DLGAP1: variants seen among roughly 807,000 people sequenced by gnomAD.
The protein encoded by DLGAP1 is disks large-associated protein 1.
A neutral mutation model predicts 90.8 loss-of-function variants in DLGAP1; 11 were observed. The observed-to-expected ratio is 0.12, with a 90% CI of 0.08 to 0.20. The LOEUF is 0.20. DLGAP1 is among the 10% of genes least tolerant of loss of function. The pLI, the probability that DLGAP1 is intolerant of heterozygous loss-of-function variation, is 1.00. For synonymous variants in DLGAP1, 558 were observed against 540.7 expected (o/e 1.03, Z -0.44); for missense variants, 1,050 against 1,333.8 (o/e 0.79, Z 3.31).
chr18:3,943,238 T>C (rs988281804), intron 3 of DLGAP1, among the ~76,000 whole-genome samples: 2 of 152,124 alleles, frequency 1.3e-5, no homozygotes, highest in African/African-American at 2.4e-5. Context: ...GGAGGTTAAA[T>C]TGACAAATAA....
At chr18:4,370,248 C>T (rs1367642874) in intron 1 of DLGAP1, among the ~76,000 whole-genome samples, 1 of 152,124 alleles carries the variant, frequency 6.6e-6, no homozygotes, top group Non-Finnish European at 1.5e-5. Context: ...GACAGAAAAA[C>T]AGATCCAGAT....
rs953171695 is a variant in DLGAP1, at chr18:3,711,290, A to C, written c.1591+17845T>G. 1.3e-5 allele frequency among the ~76,000 whole-genome samples: 2 copies of C among 152,240 alleles called. No homozygotes were observed. The highest frequency in any genetic ancestry group is 2.9e-5 in the Non-Finnish European group (2 of 68,036). ...TTGATGCCCCTTCTGTAATGACTCC[A>C]GTGATCAATGCTTTCATCATGCAAG... On this transcript the variant is annotated intron_variant, in intron 7 of 12. Transcript: ENST00000315677. This position sits in a 1 kb window ranked among gnomAD's most constrained non-coding sequence, Gnocchi z 4.0.
At chr18:3,974,050 A>G (rs2073515209) in intron 3 of DLGAP1, among the ~76,000 whole-genome samples, 1 of 152,104 alleles carries the variant, frequency 6.6e-6, no homozygotes, top group Non-Finnish European at 1.5e-5. Flanking sequence ...CTATCTAAAC[A>G]TAGAAAAGGC....
At chr18:4,438,087 C>G (rs1360323053) in intron 1 of DLGAP1, among the ~76,000 whole-genome samples, 1 of 152,072 alleles carries the variant, frequency 6.6e-6, no homozygotes, top group African/African-American at 2.4e-5. Context: ...ATCAGAAAAA[C>G]CTTAGCGCCT....
intron 1 of DLGAP1, among the ~76,000 whole-genome samples, chr18:4,347,000 A>G (rs557833367): frequency 7.2e-5 from 11 of 152,208 alleles, no homozygotes; most frequent in African/African-American, 2.4e-4. Context: ...ACTATACAAA[A>G]TGAGAAATAA....
chr18:4,001,370 T>G (rs538718274), intron 3 of DLGAP1, among the ~76,000 whole-genome samples: 1 of 152,250 alleles, frequency 6.6e-6, no homozygotes, highest in African/African-American at 2.4e-5. Flanking sequence ...TAGGCTAAAT[T>G]TTCTTCTGTT....
rs369344035 is a variant in DLGAP1 at position 3,828,481 on chromosome 18, T to C, written c.958-14208A>G. On this transcript the variant is annotated intron_variant, in intron 4 of 12. Coordinates refer to ENST00000315677, the MANE Select transcript of DLGAP1 (RefSeq NM_004746.4). ...AGAGCAAGACCTCATTTCAACAAAC[T>C]ATTTAAATATTAGTTGGGTGTGGAG... Among the ~76,000 whole-genome samples, 6 of 151,554 alleles carry C rather than the reference T, an allele frequency of 4.0e-5. No individual in the cohort carries two copies. The East Asian group carries it at 1.2e-3, about 29-fold the overall frequency.
At chr18:3,913,790 G>A (rs1318465167) in intron 3 of DLGAP1, among the ~76,000 whole-genome samples, 1 of 152,170 alleles carries the variant, frequency 6.6e-6, no homozygotes, top group Admixed American at 6.5e-5. Flanking sequence ...ACTACGGCAT[G>A]TCTTGCTAGC....
chr18:4,405,100 T>A (rs1467374534), intron 1 of DLGAP1, among the ~76,000 whole-genome samples: 1 of 152,202 alleles, frequency 6.6e-6, no homozygotes, highest in Non-Finnish European at 1.5e-5. Flanking sequence ...TTCACATTCA[T>A]AAGTGAGGTT....
At chr18:3,784,300 A>AC (rs3837918) in intron 5 of DLGAP1, among the ~76,000 whole-genome samples, 15 of 148,688 alleles carry the variant, frequency 1.0e-4, no homozygotes, top group South Asian at 8.7e-4. Flanking sequence ...TCTTTCTTGG[A>AC]CCCCCCCTAG....
chr18:4,086,259 G>A (rs76625840), intron 2 of DLGAP1, among the ~76,000 whole-genome samples: 1 of 152,016 alleles, frequency 6.6e-6, no homozygotes, highest in African/African-American at 2.4e-5. Context: ...ACTAAAGCTG[G>A]TTTAGATTTA....
chr18:4,043,720 C>T (rs1008395258), intron 2 of DLGAP1, among the ~76,000 whole-genome samples: 2 of 152,140 alleles, frequency 1.3e-5, no homozygotes, highest in Non-Finnish European at 2.9e-5. Flanking sequence ...CAGAAGTGAT[C>T]TGTGTTTCCC....
intron 1 of DLGAP1, chr18:4,280,859 A>C (rs953697920): frequency 3.3e-5 from 5 of 152,210 alleles, no homozygotes; most frequent in African/African-American, 9.6e-5. Context: ...TAGCTTTGAT[A>C]AAGAATTCTG....
chr18:4,291,615 A>G (rs965466937), intron 1 of DLGAP1, among the ~76,000 whole-genome samples: 14 of 152,084 alleles, frequency 9.2e-5, no homozygotes, highest in Non-Finnish European at 1.9e-4. Context: ...TAATATCATC[A>G]GTAGGTCTCA....
intron 1 of DLGAP1, among the ~76,000 whole-genome samples, chr18:4,357,228 A>C (rs1438163013): frequency 1.5e-5 from 2 of 133,588 alleles, no homozygotes; most frequent in East Asian, 4.5e-4. Context: ...ATCTCGGCTC[A>C]CTGCAACCTC....
At chr18:4,355,943 G>T (rs2081504276) in intron 1 of DLGAP1, among the ~76,000 whole-genome samples, 1 of 150,298 alleles carries the variant, frequency 6.7e-6, no homozygotes, top group Non-Finnish European at 1.5e-5. Context: ...ATGCTATCTT[G>T]CATCTGCTCC....
chr18:3,745,331 G>C (rs1359003193), intron 5 of DLGAP1, among the ~76,000 whole-genome samples: 1 of 152,176 alleles, frequency 6.6e-6, no homozygotes, highest in Non-Finnish European at 1.5e-5. Flanking sequence ...CTTGAAAATG[G>C]TGAATTATAT....
Position 4,068,369 on chromosome 18 carries a change from G to A in DLGAP1, c.-158-63168C>T, listed in dbSNP as rs147329263. Among the ~76,000 whole-genome samples, 885 of 151,464 alleles carry A rather than the reference G, an allele frequency of 5.8e-3. 10 individuals are homozygous for A. Among genetic ancestry groups the A allele is most frequent in the African/African-American group, 0.02 (817 of 41,400 alleles). ...ATATTATAATGTTACATATGTTTAT[G>A]TACGTAGGCATATTTATGCATATTA... On this transcript the variant is annotated intron_variant, in intron 2 of 12. Transcript: ENST00000315677.
chr18:4,211,094 C>T (rs965795412), intron 1 of DLGAP1, among the ~76,000 whole-genome samples: 3 of 152,198 alleles, frequency 2.0e-5, no homozygotes, highest in African/African-American at 7.2e-5. Flanking sequence ...TTTTCTCAAC[C>T]TGAGTTCTGA....
Sources: allele counts gnomAD v4.1 joint callset (sites outside exome capture counted in the v4.1 genomes callset), GRCh38; gene constraint gnomAD v4.1.1; non-coding constraint Gnocchi (gnomAD v3.1); transcripts MANE v1.5; gene names NCBI Gene and HGNC (gene_info 2026-07-23, HGNC 2026-07-21).